The following TMCC1 variants were observed in gnomAD, a reference collection of about 807,000 sequenced individuals.
TMCC1 encodes transmembrane and coiled-coil domains protein 1.
Under a neutral mutation model 52.4 loss-of-function variants are expected in TMCC1, and 15 were observed. That is an observed-to-expected ratio of 0.29 (90% confidence interval 0.19 to 0.44). TMCC1 has a LOEUF of 0.44. TMCC1 is among the 20% of genes least tolerant of loss of function. The pLI, the probability that TMCC1 is intolerant of heterozygous loss-of-function variation, is 1.00. For missense variants in TMCC1, 503 were observed against 806.0 expected, an observed-to-expected ratio of 0.62 and a Z score of 4.55; for synonymous variants, 279 against 301.9, an observed-to-expected ratio of 0.92 and a Z score of 0.79.
chr3:129,656,472 T>G (rs192283015), intron 5 of TMCC1, among the ~76,000 whole-genome samples: 3 of 152,364 alleles, frequency 2.0e-5, no homozygotes, highest in Admixed American at 2.0e-4. Flanking sequence ...TTCTTCTTTT[T>G]AATCACATCT....
chr3:129,808,094 TG>T (rs1386497570), intron 4 of TMCC1, among the ~76,000 whole-genome samples: 19 of 66,602 alleles, frequency 2.9e-4, no homozygotes, highest in Admixed American at 1.2e-3. Flanking sequence ...CGCTTGAAAC[TG>T]GGGTCGGGGG....
At chr3:129,757,858 A>T (rs1409891071) in intron 4 of TMCC1, among the ~76,000 whole-genome samples, 1 of 151,996 alleles carries the variant, frequency 6.6e-6, no homozygotes, top group African/African-American at 2.4e-5. Context: ...AAAAAAAGAA[A>T]TCATAACACT....
intron 4 of TMCC1, among the ~76,000 whole-genome samples, chr3:129,739,606 T>G (rs947338455): frequency 6.6e-6 from 1 of 152,170 alleles, no homozygotes; most frequent in Non-Finnish European, 1.5e-5. Flanking sequence ...GGAAGAGAGA[T>G]AGTCTAGTAA....
rs950802414 is a variant in TMCC1 at position 129,840,980 on chromosome 3, G to A, written c.-183-8154C>T. Among the ~76,000 whole-genome samples, 17 of 152,296 alleles carry A rather than the reference G, an allele frequency of 1.1e-4. No homozygotes were observed. In the Middle Eastern group the frequency reaches 0.01, roughly 91 times the overall value. ...CAGACAGAGGCTGGAAAAGTTTGGA[G>A]GGCTCAGAAGAAGGCAGGAAGATGT... On this transcript the variant is annotated intron_variant, in intron 2 of 6. Coordinates refer to ENST00000393238, the MANE Select transcript of TMCC1 (RefSeq NM_001017395.5).
chr3:129,798,065 A>T (rs1333789775), intron 4 of TMCC1, among the ~76,000 whole-genome samples: 1 of 145,360 alleles, frequency 6.9e-6, no homozygotes, highest in Non-Finnish European at 1.5e-5. Context: ...GCATGGTCTC[A>T]GCTCATTGCA....
At chr3:129,802,533 G>A (rs1471792831) in intron 4 of TMCC1, among the ~76,000 whole-genome samples, 1 of 152,184 alleles carries the variant, frequency 6.6e-6, no homozygotes, top group Non-Finnish European at 1.5e-5. Flanking sequence ...CTTGATCCCA[G>A]AAATTTGGGG....
At position 129,828,301 on chromosome 3, in the gene TMCC1, C is replaced by T; in HGVS notation, c.78G>A (p.Lys26=). 1 of 1,614,112 alleles carries T rather than the reference C, an allele frequency of 6.2e-7. No homozygotes were observed. Among genetic ancestry groups the T allele is most frequent in the Non-Finnish European group, 8.5e-7 (1 of 1,180,018 alleles). Residue 26 remains lysine, a synonymous_variant, in exon 4 of 7, where the codon AAG becomes AAA. Transcript: ENST00000393238. This position sits in a 1 kb window ranked among gnomAD's most constrained non-coding sequence, Gnocchi z 4.1. ...ACAATTTTTGTTCTGATTCTGTCTG[C>T]TTTCTGGCCTCTGCATCTTGGGATT... ...GGKSQDAEAR[K]QTESEQKLSK... is the part of the protein sequence containing the mutation.
chr3:129,720,137 G>C (rs1183018978), intron 4 of TMCC1, among the ~76,000 whole-genome samples: 1 of 147,482 alleles, frequency 6.8e-6, no homozygotes, highest in African/African-American at 2.5e-5. Flanking sequence ...ACCTGTGTTT[G>C]TGCCAGTGCA....
intron 4 of TMCC1, among the ~76,000 whole-genome samples, chr3:129,793,021 T>C (rs779944060): frequency 6.6e-6 from 1 of 152,166 alleles, no homozygotes; most frequent in Non-Finnish European, 1.5e-5. Flanking sequence ...TATCAGACAC[T>C]CTTGTGCAGG....
intron 4 of TMCC1, among the ~76,000 whole-genome samples, chr3:129,715,328 G>A (rs1200602930): frequency 6.6e-6 from 1 of 152,222 alleles, no homozygotes; most frequent in African/African-American, 2.4e-5. Context: ...GGAGGCCGAG[G>A]CAGGGGAATC....
intron 4 of TMCC1, among the ~76,000 whole-genome samples, chr3:129,748,579 C>T (rs984328672): frequency 3.3e-5 from 5 of 152,066 alleles, no homozygotes; most frequent in Non-Finnish European, 5.9e-5. Flanking sequence ...TGAGCCACTG[C>T]GCTTGGCCTT....
At chr3:129,876,036 G>A (rs1328336510) in intron 2 of TMCC1, among the ~76,000 whole-genome samples, 3 of 151,780 alleles carry the variant, frequency 2.0e-5, no homozygotes, top group Admixed American at 6.6e-5. Context: ...CTGGGAGGCT[G>A]AGGCAGGAGA....
chr3:129,891,061 C>T (rs1045842219), intron 1 of TMCC1, among the ~76,000 whole-genome samples: 10 of 152,222 alleles, frequency 6.6e-5, no homozygotes, highest in Non-Finnish European at 1.2e-4. Flanking sequence ...AAAACAAGAG[C>T]AGCTCATCTG....
intron 4 of TMCC1, among the ~76,000 whole-genome samples, chr3:129,722,496 C>T (rs952798510): frequency 2.6e-5 from 4 of 152,156 alleles, no homozygotes; most frequent in African/African-American, 9.7e-5. Context: ...TCTACACTCA[C>T]TCACTCAGGT....
chr3:129,688,594 T>C, intron 4 of TMCC1: 2 of 985,516 alleles, frequency 2.0e-6, no homozygotes, highest in Non-Finnish European at 1.2e-6. Flanking sequence ...GTTTCAATTC[T>C]ATCTCCTGTA....
At chr3:129,653,202 G>C (rs2086451532) in intron 6 of TMCC1, among the ~76,000 whole-genome samples, 1 of 152,064 alleles carries the variant, frequency 6.6e-6, no homozygotes, top group African/African-American at 2.4e-5. Context: ...TATGCAGCTA[G>C]TTCCCCCTTG....
chr3:129,838,483 C>T (rs983415999), intron 2 of TMCC1, among the ~76,000 whole-genome samples: 2 of 151,770 alleles, frequency 1.3e-5, no homozygotes, highest in African/African-American at 2.4e-5. Flanking sequence ...GGGCTGGGCA[C>T]GGTGGCTCAT....
At chr3:129,757,688 G>A (rs1314823373) in intron 4 of TMCC1, among the ~76,000 whole-genome samples, 1 of 152,110 alleles carries the variant, frequency 6.6e-6, no homozygotes, top group Non-Finnish European at 1.5e-5. Context: ...AATTAGCCAG[G>A]TGTGGTGGTG....
At chr3:129,820,121 T>G (rs569988874) in intron 4 of TMCC1, among the ~76,000 whole-genome samples, 1 of 148,974 alleles carries the variant, frequency 6.7e-6, no homozygotes, top group South Asian at 2.2e-4. Flanking sequence ...AGATTATTCT[T>G]GGCAAGACCT....
Sources: gnomAD v4.1 joint callset for allele counts (sites outside exome capture counted in the v4.1 genomes callset) on GRCh38, gnomAD v4.1.1 for gene constraint, Gnocchi (gnomAD v3.1) non-coding constraint, MANE v1.5 for transcripts, NCBI Gene and HGNC (gene_info 2026-07-23, HGNC 2026-07-21) for gene names.